The following JAZF1 variants were observed in gnomAD, a reference collection of about 807,000 sequenced individuals.
JAZF1 encodes juxtaposed with another zinc finger protein 1.
A neutral mutation model predicts 26.4 loss-of-function variants in JAZF1; 8 were observed. That is an observed-to-expected ratio of 0.30 (90% CI 0.18 to 0.55). The LOEUF (loss-of-function observed/expected upper bound fraction) is 0.55, where lower values mean the gene tolerates loss of function less well. Ranked by LOEUF, JAZF1 falls within the 20% of genes least tolerant of loss-of-function variation. The pLI is 0.94. For synonymous variants in JAZF1, 126 were observed against 122.3 expected (o/e 1.03, Z -0.20); for missense variants, 199 against 322.0 (o/e 0.62, Z 2.92).
intron 1 of JAZF1, among the ~76,000 whole-genome samples, chr7:28,026,790 C>T (rs1346554503): frequency 1.3e-5 from 2 of 152,178 alleles, no homozygotes; most frequent in South Asian, 2.1e-4. Flanking sequence ...CTGAAGCCAC[C>T]GGCACTGGAG....
At chr7:28,125,750 C>T (rs575682101) in intron 1 of JAZF1, among the ~76,000 whole-genome samples, 2 of 152,176 alleles carry the variant, frequency 1.3e-5, no homozygotes, top group Non-Finnish European at 2.9e-5. Context: ...TCCTCCCTGT[C>T]CCACCTCACC....
intron 2 of JAZF1, among the ~76,000 whole-genome samples, chr7:27,974,751 C>A (rs994946414): frequency 3.3e-5 from 5 of 152,250 alleles, no homozygotes; most frequent in African/African-American, 1.2e-4. Context: ...TTTGGCTGTT[C>A]TTCTGAAGCT....
intron 2 of JAZF1, among the ~76,000 whole-genome samples, chr7:27,969,247 AG>A (rs766246235): frequency 2.0e-5 from 3 of 152,226 alleles, no homozygotes; most frequent in Non-Finnish European, 4.4e-5. Context: ...CCAAGAAGGC[AG>A]GGATAATTCC....
At chr7:28,072,820 AT>A (rs1441658876) in intron 1 of JAZF1, among the ~76,000 whole-genome samples, 1 of 152,182 alleles carries the variant, frequency 6.6e-6, no homozygotes, top group African/African-American at 2.4e-5. Flanking sequence ...TGTATTTTTA[AT>A]TTTTAGAAAA....
At chr7:28,131,257 G>T (rs754258262) in intron 1 of JAZF1, among the ~76,000 whole-genome samples, 2 of 151,844 alleles carry the variant, frequency 1.3e-5, no homozygotes, top group East Asian at 3.9e-4. Flanking sequence ...TTGCATGTCA[G>T]TGATTTATAT....
chr7:27,862,199 C>G (rs1389965318), intron 3 of JAZF1, among the ~76,000 whole-genome samples: 1 of 152,178 alleles, frequency 6.6e-6, no homozygotes, highest in Non-Finnish European at 1.5e-5. Flanking sequence ...TTTATTTTTA[C>G]TTTTTAAAAA....
At chr7:27,936,337 G>C (rs911793202) in intron 2 of JAZF1, among the ~76,000 whole-genome samples, 3 of 152,156 alleles carry the variant, frequency 2.0e-5, no homozygotes, top group Non-Finnish European at 2.9e-5. Context: ...GTTTCATCTA[G>C]CATGGTCTTC....
chr7:28,126,256 G>A lies in JAZF1; in HGVS notation c.115+54207C>T, dbSNP rs111234269. 2.5e-4 allele frequency among the ~76,000 whole-genome samples: 38 copies of A among 152,250 alleles called. 1 individual carries two copies. The highest frequency in any genetic ancestry group is 8.9e-4 in the African/African-American group (37 of 41,534). On this transcript the variant is annotated intron_variant, in intron 1 of 4. Transcript: ENST00000283928. Reference sequence around the variant, plus strand: ...AATATTTATTGCACAGTTACTATTTGCCAGGCAATGATCTTAGGGAGCTGG... The same window carrying A: ...AATATTTATTGCACAGTTACTATTTACCAGGCAATGATCTTAGGGAGCTGG...
intron 1 of JAZF1, among the ~76,000 whole-genome samples, chr7:28,116,891 T>G (rs1784754569): frequency 6.6e-6 from 1 of 152,038 alleles, no homozygotes; most frequent in African/African-American, 2.4e-5. Context: ...TGGCGCGATC[T>G]CAGCTCACTG....
chr7:28,071,348 A>C (rs1459618522), intron 1 of JAZF1, among the ~76,000 whole-genome samples: 1 of 152,072 alleles, frequency 6.6e-6, no homozygotes, highest in African/African-American at 2.4e-5. Flanking sequence ...CAGCAGATAC[A>C]CCTCTGTCAA....
intron 2 of JAZF1, among the ~76,000 whole-genome samples, chr7:27,984,730 G>C (rs1215590633): frequency 6.6e-6 from 1 of 152,152 alleles, no homozygotes; most frequent in Non-Finnish European, 1.5e-5. Flanking sequence ...AAACGTAAAA[G>C]AACAGAAATT....
chr7:27,877,134 C>G (rs1160143718), intron 3 of JAZF1, among the ~76,000 whole-genome samples: 1 of 148,222 alleles, frequency 6.7e-6, no homozygotes, highest in African/African-American at 2.4e-5. Flanking sequence ...GCTTTATCAC[C>G]GACCACGTTT....
intron 3 of JAZF1, chr7:27,846,541 T>G (rs781273508): frequency 2.1e-6 from 1 of 471,142 alleles, no homozygotes; most frequent in South Asian, 1.5e-5. Flanking sequence ...GGTGATGATC[T>G]CATTTTCTGT....
At chr7:28,147,265 T>A (rs1783041613) in intron 1 of JAZF1, among the ~76,000 whole-genome samples, 1 of 152,116 alleles carries the variant, frequency 6.6e-6, no homozygotes, top group Non-Finnish European at 1.5e-5. Flanking sequence ...GAGCATCCCA[T>A]CAGCAACCCA....
chr7:27,967,938 C>T (rs770015153), intron 2 of JAZF1, among the ~76,000 whole-genome samples: 10 of 152,210 alleles, frequency 6.6e-5, no homozygotes, highest in African/African-American at 1.2e-4. Context: ...GCTAAACACA[C>T]ATCTATACCA....
chr7:27,847,142 G>C (rs991469685), intron 3 of JAZF1, among the ~76,000 whole-genome samples: 4 of 148,274 alleles, frequency 2.7e-5, no homozygotes, highest in African/African-American at 1.0e-4. Flanking sequence ...ACCCCGCCTG[G>C]CTTTTTTTCT....
At chr7:27,875,683 C>A (rs1004435631) in intron 3 of JAZF1, among the ~76,000 whole-genome samples, 1 of 152,224 alleles carries the variant, frequency 6.6e-6, no homozygotes, top group Non-Finnish European at 1.5e-5. Flanking sequence ...CTGAGCTCGT[C>A]CCTATCAGAG....
At chr7:27,968,041 A>G (rs1289724687) in intron 2 of JAZF1, among the ~76,000 whole-genome samples, 1 of 152,262 alleles carries the variant, frequency 6.6e-6, no homozygotes. Context: ...CTCTCTCTTT[A>G]TAGTAGTCAA....
chr7:28,135,719 C>T (rs371358130), intron 1 of JAZF1, among the ~76,000 whole-genome samples: 1 of 152,244 alleles, frequency 6.6e-6, no homozygotes, highest in African/African-American at 2.4e-5. Context: ...CTATAAAATA[C>T]CTCTTAAAAA....
Sources: gnomAD v4.1 joint callset for allele counts (sites outside exome capture counted in the v4.1 genomes callset) on GRCh38, gnomAD v4.1.1 for gene constraint, MANE v1.5 for transcripts, NCBI Gene and HGNC (gene_info 2026-07-23, HGNC 2026-07-21) for gene names.